The following VMP1 variants were observed in gnomAD, a reference collection of about 807,000 sequenced individuals.
VMP1 encodes the protein ectopic P-granules autophagy protein 3 homolog.
Under a neutral mutation model 56.0 loss-of-function variants are expected in VMP1, and 11 were observed. The observed-to-expected ratio is 0.20, with a 90% CI of 0.12 to 0.32. The LOEUF is 0.32. Ranked by LOEUF, VMP1 falls within the 10% of genes least tolerant of loss-of-function variation. The pLI is 1.00. For missense variants in VMP1, 296 were observed against 490.3 expected (o/e 0.60, Z 3.74); for synonymous variants, 149 against 165.0 (o/e 0.90, Z 0.74).
rs72838862 is a variant in VMP1 at position 59,780,021 on chromosome 17, T to A, written c.714+6136T>A. On this transcript the variant is annotated intron_variant, in intron 7 of 11. Transcript: ENST00000262291. ...TATCTATCTACTGTTGGGGTAATAATCTTTTTCTTTCATCTCTTATGTCCC... is the reference window on the plus strand; with the variant it reads ...TATCTATCTACTGTTGGGGTAATAAACTTTTTCTTTCATCTCTTATGTCCC... Among the ~76,000 whole-genome samples the A allele has an allele frequency of 1.9e-3, 289 of 152,340 alleles. 2 individuals carry two copies. The highest frequency in any genetic ancestry group is 3.4e-3 in the Non-Finnish European group (229 of 68,026).
At chr17:59,725,980 A>G (rs796477886) in intron 1 of VMP1, among the ~76,000 whole-genome samples, 6 of 152,348 alleles carry the variant, frequency 3.9e-5, no homozygotes, top group African/African-American at 1.4e-4. Context: ...CAATGACACT[A>G]TGGGAAAGAG....
chr17:59,826,266 A>G (rs1312324203), intron 10 of VMP1, among the ~76,000 whole-genome samples: 1 of 152,228 alleles, frequency 6.6e-6, no homozygotes, highest in African/African-American at 2.4e-5. Context: ...CATAAAGGTT[A>G]AAACAGGAGT....
chr17:59,836,521 AC>A (rs1186979477), intron 10 of VMP1, among the ~76,000 whole-genome samples: 1 of 151,508 alleles, frequency 6.6e-6, no homozygotes, highest in East Asian at 1.9e-4. Flanking sequence ...TAACAACTTC[AC>A]CCCTCACTGA....
In VMP1 at chr17:59,738,548, T is replaced by A. The variant is rs368614732; in HGVS notation, c.304-289T>A. On this transcript the variant is annotated intron_variant, in intron 4 of 11. Transcript: ENST00000262291. ...TAAAATTATCCTCAAAATTATCTTA[T>A]TCATAATTTGCTTTTTCCTGTGTCC... is the stretch of plus-strand genomic sequence containing the variant. Among the ~76,000 whole-genome samples the A allele has an allele frequency of 1.1e-4, 16 of 152,334 alleles. No homozygotes were observed. In the East Asian group the frequency reaches 2.7e-3, roughly 26 times the overall value.
chr17:59,776,787 A>T (rs2036632426), intron 7 of VMP1, among the ~76,000 whole-genome samples: 1 of 152,234 alleles, frequency 6.6e-6, no homozygotes, highest in Admixed American at 6.5e-5. Flanking sequence ...ATCTATATGA[A>T]ATCAGCAAGT....
At chr17:59,820,649 G>A (rs1284395721) in intron 10 of VMP1, among the ~76,000 whole-genome samples, 3 of 152,192 alleles carry the variant, frequency 2.0e-5, no homozygotes. Context: ...ACTTATGTTT[G>A]TAGGAGTGTG....
At chr17:59,708,047 C>G (rs1166007440) in intron 1 of VMP1, 2 of 152,156 alleles carry the variant, frequency 1.3e-5, no homozygotes, top group African/African-American at 2.4e-5. Context: ...TTTAGAGAAC[C>G]TCTTAGTCCC....
At chr17:59,790,805 T>G (rs1223231653) in intron 7 of VMP1, among the ~76,000 whole-genome samples, 1 of 152,066 alleles carries the variant, frequency 6.6e-6, no homozygotes, top group African/African-American at 2.4e-5. Context: ...AAAAGAAAGT[T>G]TTAAAGTTTA....
intron 2 of VMP1, among the ~76,000 whole-genome samples, chr17:59,733,030 G>A (rs1346493957): frequency 6.6e-6 from 1 of 152,104 alleles, no homozygotes; most frequent in Admixed American, 6.5e-5. Context: ...TTTGCTGGAT[G>A]TGATCGTATG....
intron 10 of VMP1, among the ~76,000 whole-genome samples, chr17:59,823,445 CT>C (rs1286361908): frequency 2.5e-5 from 2 of 79,940 alleles, no homozygotes. Flanking sequence ...TGAGATATGT[CT>C]CAAAAAAAAA....
chr17:59,770,831 C>T (rs2036397952), intron 6 of VMP1, among the ~76,000 whole-genome samples: 1 of 152,162 alleles, frequency 6.6e-6, no homozygotes, highest in Non-Finnish European at 1.5e-5. Flanking sequence ...CCTCCTGCCT[C>T]AGTCTCCCAA....
chr17:59,802,723 G>A (rs1009658796), intron 7 of VMP1, among the ~76,000 whole-genome samples: 1 of 151,886 alleles, frequency 6.6e-6, no homozygotes, highest in Non-Finnish European at 1.5e-5. Flanking sequence ...CAGCCACCAC[G>A]CCTAGCTAAT....
rs560922727 is a variant in VMP1 at position 59,737,573 on chromosome 17, C to T, written c.303+30C>T. The T allele has an allele frequency of 3.9e-5, 61 of 1,553,196 alleles. 3 individuals are homozygous for T. In the South Asian group the frequency reaches 7.0e-4, roughly 18 times the overall value. ...GAGGTCGAGCAATTCTGTTTCTAGTCTTGCACATTCTCTAATTCTCTAATC... is the reference window on the plus strand; with the variant it reads ...GAGGTCGAGCAATTCTGTTTCTAGTTTTGCACATTCTCTAATTCTCTAATC... On this transcript the variant is annotated intron_variant, in intron 4 of 11. Coordinates refer to ENST00000262291, the MANE Select transcript of VMP1 (RefSeq NM_030938.5).
intron 5 of VMP1, among the ~76,000 whole-genome samples, chr17:59,759,799 A>C (rs755853550): frequency 9.5e-4 from 145 of 152,126 alleles, no homozygotes; most frequent in Non-Finnish European, 1.8e-3. Context: ...GTCTACCCTC[A>C]AACTGTTTGT....
At position 59,731,533 on chromosome 17, in the gene VMP1, A is replaced by G. The variant is rs769498187; in HGVS notation, c.76+11A>G. ...ATGGAAATTTCACAGGTAAATTTTG[A>G]TGGTTTGCAGGGAGGAGTGCTATGG... On this transcript the variant is annotated intron_variant, in intron 2 of 11. Coordinates refer to ENST00000262291, the MANE Select transcript of VMP1 (RefSeq NM_030938.5). The G allele has an allele frequency of 1.3e-6, 2 of 1,575,510 alleles. No individual in the cohort carries two copies. Among genetic ancestry groups the G allele is most frequent in the Non-Finnish European group, 1.7e-6 (2 of 1,165,024 alleles).
chr17:59,773,306 G>T (rs1371327426), intron 6 of VMP1, among the ~76,000 whole-genome samples: 2 of 150,850 alleles, frequency 1.3e-5, no homozygotes, highest in Admixed American at 6.6e-5. Context: ...AGAAGCGGTG[G>T]GGGGGGGCAA....
chr17:59,817,434 C>T (rs138514284), intron 9 of VMP1, among the ~76,000 whole-genome samples: 5,594 of 151,414 alleles, frequency 0.037, 372 homozygotes, highest in African/African-American at 0.13. Flanking sequence ...TCACTGCCAC[C>T]TCCGCCTCCT....
chr17:59,838,660 C>A, intron 11 of VMP1: 1 of 408,136 alleles, frequency 2.5e-6, no homozygotes, highest in Non-Finnish European at 4.5e-6. Context: ...GAGTTGTTGC[C>A]TTGATCTTAA....
Position 59,784,356 on chromosome 17 carries a change from A to G in VMP1, c.714+10471A>G, listed in dbSNP as rs1460112188. 2.6e-5 allele frequency among the ~76,000 whole-genome samples: 4 copies of G among 151,738 alleles called. No individual in the cohort carries two copies. The East Asian group carries it at 7.7e-4, about 29-fold the overall frequency. On this transcript the variant is annotated intron_variant, in intron 7 of 11. Coordinates refer to ENST00000262291, the MANE Select transcript of VMP1 (RefSeq NM_030938.5). Reference sequence around the variant, plus strand: ...GCATGTCTACTTTTTCAGTTTTCTTACCTTTCAATTTATGTGCTGCTGGCT... The same window carrying G: ...GCATGTCTACTTTTTCAGTTTTCTTGCCTTTCAATTTATGTGCTGCTGGCT...
Sources: allele counts gnomAD v4.1 joint callset (sites outside exome capture counted in the v4.1 genomes callset), GRCh38; gene constraint gnomAD v4.1.1; transcripts MANE v1.5; gene names NCBI Gene and HGNC (gene_info 2026-07-23, HGNC 2026-07-21).